Variants in GNAQ observed in about 807,000 individuals in gnomAD.
The protein encoded by GNAQ is G protein subunit alpha q, also known as guanine nucleotide-binding protein G(q) subunit alpha.
GNAQ carries 8 observed loss-of-function variants against 43.9 expected under a neutral mutation model. The observed-to-expected ratio is 0.18, with a 90% CI of 0.11 to 0.33. The LOEUF (loss-of-function observed/expected upper bound fraction) is 0.33. GNAQ is among the 10% of genes least tolerant of loss of function. The probability of loss-of-function intolerance (pLI) is 1.00; values close to 1 mark genes in which losing one functional copy is unlikely to be tolerated. For synonymous variants in GNAQ, 155 were observed against 170.7 expected, an observed-to-expected ratio of 0.91 and a Z score of 0.71; for missense variants, 158 against 450.8, an observed-to-expected ratio of 0.35 and a Z score of 5.88.
chr9:77,786,644 A>C (rs897093356), intron 5 of GNAQ, among the ~76,000 whole-genome samples: 1 of 152,206 alleles, frequency 6.6e-6, no homozygotes, highest in African/African-American at 2.4e-5. Flanking sequence ...TCAGCTACCT[A>C]GTCACCAGAA....
At chr9:77,938,100 A>AC (rs890374262) in intron 1 of GNAQ, among the ~76,000 whole-genome samples, 6 of 152,264 alleles carry the variant, frequency 3.9e-5, no homozygotes, top group African/African-American at 1.4e-4. Flanking sequence ...TACAAACTAC[A>AC]CACATCCTCC....
chr9:77,805,333 A>T (rs987116678), intron 3 of GNAQ, among the ~76,000 whole-genome samples: 2 of 152,120 alleles, frequency 1.3e-5, no homozygotes, highest in Non-Finnish European at 2.9e-5. Context: ...CCTTTTTGAT[A>T]CCTGACATAC....
In GNAQ at chr9:77,855,246, T is replaced by C. The variant is rs180856667; in HGVS notation, c.322-39476A>G. 5.9e-5 allele frequency among the ~76,000 whole-genome samples: 9 copies of C among 151,330 alleles called. No individual in the cohort carries two copies. The East Asian group carries it at 1.8e-3, about 29-fold the overall frequency. On this transcript the variant is annotated intron_variant, in intron 2 of 6. Transcript: ENST00000286548. The stretch of plus-strand genomic sequence containing the variant: ...TGTAATGCAGCAGAATCAAGAAAAA[T>C]TAGGATAAAGAAAGGAAAAGTAATT...
intron 1 of GNAQ, among the ~76,000 whole-genome samples, chr9:77,949,668 T>C (rs1822953069): frequency 1.3e-5 from 2 of 152,188 alleles, no homozygotes; most frequent in Non-Finnish European, 1.5e-5. Flanking sequence ...CCTATTGCTC[T>C]GTCTGCAGGA....
intron 1 of GNAQ, among the ~76,000 whole-genome samples, chr9:78,018,351 A>G (rs1446107883): frequency 6.6e-6 from 1 of 152,186 alleles, no homozygotes; most frequent in Non-Finnish European, 1.5e-5. Context: ...AAAACAGACT[A>G]TAAAGGAATG....
chr9:77,962,892 CAA>C (rs538653191), intron 1 of GNAQ, among the ~76,000 whole-genome samples: 25 of 55,234 alleles, frequency 4.5e-4, no homozygotes, highest in South Asian at 6.2e-4. Flanking sequence ...AACTTAGTCT[CAA>C]AAAAAAAAAA....
chr9:77,828,408 T>A (rs1054965068), intron 2 of GNAQ, among the ~76,000 whole-genome samples: 1 of 152,134 alleles, frequency 6.6e-6, no homozygotes, highest in African/African-American at 2.4e-5. Flanking sequence ...GATGTGTATG[T>A]AGTAGGGCCT....
intron 5 of GNAQ, among the ~76,000 whole-genome samples, chr9:77,770,931 G>GA (rs1187850870): frequency 1.3e-5 from 2 of 150,792 alleles, no homozygotes; most frequent in Non-Finnish European, 2.9e-5. Flanking sequence ...TTCATTTTCT[G>GA]AAAAAAATAA....
chr9:77,920,527 C>G (rs1321069696), intron 2 of GNAQ, among the ~76,000 whole-genome samples: 1 of 152,152 alleles, frequency 6.6e-6, no homozygotes, highest in Non-Finnish European at 1.5e-5. Flanking sequence ...AAACTCAACA[C>G]AATTACAACT....
intron 5 of GNAQ, among the ~76,000 whole-genome samples, chr9:77,777,605 CTCCTT>C (rs1826323189): frequency 6.6e-6 from 1 of 151,996 alleles, no homozygotes. Flanking sequence ...AAAGTCTAGT[CTCCTT>C]TATATAAAGG....
chr9:77,747,049 G>A (rs1825741509), intron 5 of GNAQ, among the ~76,000 whole-genome samples: 1 of 152,136 alleles, frequency 6.6e-6, no homozygotes, highest in East Asian at 1.9e-4. Flanking sequence ...ATACAGTTCT[G>A]GGAAGAAGAT....
intron 1 of GNAQ, among the ~76,000 whole-genome samples, chr9:77,965,864 C>A (rs886511158): frequency 6.7e-6 from 1 of 149,514 alleles, no homozygotes; most frequent in African/African-American, 2.5e-5. Context: ...AGGCACGTAT[C>A]TATCAATAAC....
intron 5 of GNAQ, among the ~76,000 whole-genome samples, chr9:77,794,031 C>G (rs1339367270): frequency 6.6e-6 from 1 of 152,092 alleles, no homozygotes; most frequent in Non-Finnish European, 1.5e-5. Flanking sequence ...CGAAGTCATT[C>G]ACATTTGCCA....
chr9:77,798,556 C>A (rs1826694372), intron 3 of GNAQ, among the ~76,000 whole-genome samples: 1 of 152,112 alleles, frequency 6.6e-6, no homozygotes, highest in African/African-American at 2.4e-5. Context: ...ATACAGTCAT[C>A]CCTCAGTATC....
At chr9:77,986,891 T>C (rs753318976) in intron 1 of GNAQ, among the ~76,000 whole-genome samples, 2 of 151,854 alleles carry the variant, frequency 1.3e-5, no homozygotes, top group Non-Finnish European at 2.9e-5. Context: ...TTAGTAACTG[T>C]TCTCTACTTG....
chr9:77,734,106 A>G (rs571684062), intron 5 of GNAQ, among the ~76,000 whole-genome samples: 1 of 152,278 alleles, frequency 6.6e-6, no homozygotes, highest in African/African-American at 2.4e-5. Flanking sequence ...GTCAACATTT[A>G]CTCAGCAGGC....
At chr9:78,029,972 T>A (rs1290547593) in intron 1 of GNAQ, among the ~76,000 whole-genome samples, 1 of 152,166 alleles carries the variant, frequency 6.6e-6, no homozygotes, top group Non-Finnish European at 1.5e-5. Context: ...TGAACCCTGA[T>A]CGCTTGATTC....
At chr9:77,745,142 G>C (rs1217436629) in intron 5 of GNAQ, among the ~76,000 whole-genome samples, 1 of 152,166 alleles carries the variant, frequency 6.6e-6, no homozygotes, top group African/African-American at 2.4e-5. Context: ...TTCTGCGAGA[G>C]GCAGGGAAAA....
chr9:77,862,951 C>T (rs1023301356), intron 2 of GNAQ, among the ~76,000 whole-genome samples: 3 of 151,880 alleles, frequency 2.0e-5, no homozygotes, highest in East Asian at 1.9e-4. Context: ...GGCTGAGGCA[C>T]GAGGATCACC....
Sources: gnomAD v4.1 joint callset for allele counts (sites outside exome capture counted in the v4.1 genomes callset) on GRCh38, gnomAD v4.1.1 for gene constraint, MANE v1.5 for transcripts, NCBI Gene and HGNC (gene_info 2026-07-23, HGNC 2026-07-21) for gene names.